Variants in PTBP3 observed in about 807,000 individuals in gnomAD.
PTBP3 encodes the protein polypyrimidine tract-binding protein 3.
In PTBP3, 20 loss-of-function variants were observed where a neutral mutation model predicts 58.7. The ratio of observed to expected loss-of-function variants is 0.34; its 90% CI spans 0.24 to 0.50. The LOEUF (loss-of-function observed/expected upper bound fraction) is 0.50. PTBP3 is among the 20% of genes least tolerant of loss of function. PTBP3 has a pLI of 0.98. For synonymous variants in PTBP3, 185 were observed against 219.8 expected, an observed-to-expected ratio of 0.84 and a Z score of 1.40; for missense variants, 509 against 637.2, an observed-to-expected ratio of 0.80 and a Z score of 2.17.
chr9:112,340,654 G>A, the PTBP3 span, among the ~76,000 whole-genome samples: 3 of 151,884 alleles, frequency 2.0e-5, no homozygotes, highest in South Asian at 2.1e-4. Context: ...AGGCTGAGGC[G>A]GGTGGATCAC....
At chr9:112,319,901 G>A (rs1225295644) in intron 1 of PTBP3, among the ~76,000 whole-genome samples, 3 of 152,166 alleles carry the variant, frequency 2.0e-5, no homozygotes, top group African/African-American at 4.8e-5. Flanking sequence ...AGGACACTGC[G>A]TTAAGCAAAA....
upstream of PTBP3, among the ~76,000 whole-genome samples, chr9:112,333,857 G>GGCGC (rs1054718803): frequency 3.4e-5 from 5 of 148,274 alleles, no homozygotes; most frequent in African/African-American, 4.9e-5. Flanking sequence ...CCCTCGGCCC[G>GGCGC]GCGCGCGCGC....
At chr9:112,314,924 C>T (rs1409085650) in intron 1 of PTBP3, among the ~76,000 whole-genome samples, 11 of 151,686 alleles carry the variant, frequency 7.3e-5, no homozygotes, top group African/African-American at 2.2e-4. Context: ...CTCCGCCTCC[C>T]GGGTTTACAC....
Position 112,304,732 on chromosome 9 carries a change from AT to A in PTBP3, c.-51-6817del, listed in dbSNP as rs1430244148. On this transcript the variant is annotated intron_variant, in intron 1 of 13. Coordinates refer to ENST00000374257, the MANE Select transcript of PTBP3 (RefSeq NM_001163788.4). ...AGGCATGCATCACTTTGCCTGGCTG[AT>A]TTTTTAATTTTTGTAGACAGAAAAA... 2.0e-5 allele frequency among the ~76,000 whole-genome samples: 3 copies of A among 152,196 alleles called. No homozygotes were observed. In the East Asian group the frequency reaches 5.8e-4, roughly 29 times the overall value.
intron 1 of PTBP3, among the ~76,000 whole-genome samples, chr9:112,323,448 T>C (rs772928600): frequency 5.3e-5 from 8 of 152,164 alleles, no homozygotes; most frequent in Non-Finnish European, 1.0e-4. Context: ...AAAAGTGCCA[T>C]GGTATTGGCC....
chr9:112,377,731 T>G, the PTBP3 span, among the ~76,000 whole-genome samples: 1 of 152,144 alleles, frequency 6.6e-6, no homozygotes, highest in South Asian at 2.1e-4. Flanking sequence ...GTGAAATGAG[T>G]GAGACTTACC....
intron 2 of PTBP3, among the ~76,000 whole-genome samples, chr9:112,278,083 T>G (rs1040624535): frequency 1.3e-5 from 2 of 152,164 alleles, no homozygotes; most frequent in Non-Finnish European, 2.9e-5. Flanking sequence ...ACTTTCAAAC[T>G]GTTTTCACTT....
At chr9:112,261,719 A>G (rs1836604208) in intron 5 of PTBP3, among the ~76,000 whole-genome samples, 1 of 152,254 alleles carries the variant, frequency 6.6e-6, no homozygotes, top group South Asian at 2.1e-4. Context: ...CATTCTTAGG[A>G]TATGTATATA....
In PTBP3 at chr9:112,322,022, C is replaced by T. The variant is rs184322436; in HGVS notation, c.-52+11448G>A. Among the ~76,000 whole-genome samples the T allele has an allele frequency of 1.7e-4, 25 of 148,922 alleles. No individual in the cohort carries two copies. In the East Asian group the frequency reaches 4.5e-3, roughly 27 times the overall value. ...TGGCAGCGTGTACCTGTAGTCTCAG[C>T]TACTTGGGAGGCTGAGGCAGGAGAA... On this transcript the variant is annotated intron_variant, in intron 1 of 13. Coordinates refer to ENST00000374257, the MANE Select transcript of PTBP3 (RefSeq NM_001163788.4).
At position 112,239,811 on chromosome 9, in the gene PTBP3, A is replaced by G. The variant is rs544680117; in HGVS notation, c.803-4914T>C. ...GAGAGGAGGAAGAAGAAAAGGAAGG[A>G]AGGAAGGGAGGAAGGGAGGAAGGGA... On this transcript the variant is annotated intron_variant, in intron 7 of 13. Transcript: ENST00000374257. Among the ~76,000 whole-genome samples, 113 of 87,412 alleles carry G rather than the reference A, an allele frequency of 1.3e-3. 2 individuals carry two copies. The highest frequency in any genetic ancestry group is 7.1e-3 in the South Asian group (16 of 2,242). The allele number at this position is 87,412 out of a possible 152,430, so 57.3% of individuals were successfully genotyped here.
In PTBP3 at chr9:112,327,380, G is replaced by A. The variant is rs565074253; in HGVS notation, c.-52+6090C>T. ...TCGAGACCAGCCTGGCCAATATGGT[G>A]AAACCGTTTCTACTAAAAATACAAA... On this transcript the variant is annotated intron_variant, in intron 1 of 13. Coordinates refer to ENST00000374257, the MANE Select transcript of PTBP3 (RefSeq NM_001163788.4). Among the ~76,000 whole-genome samples the A allele has an allele frequency of 2.0e-5, 3 of 152,084 alleles. No homozygotes were observed. In the South Asian group the frequency reaches 6.2e-4, roughly 32 times the overall value.
intron 1 of PTBP3, among the ~76,000 whole-genome samples, chr9:112,317,083 CA>C (rs1164832930): frequency 1.3e-5 from 2 of 151,742 alleles, no homozygotes; most frequent in Non-Finnish European, 2.9e-5. Flanking sequence ...AGTTCAAGAC[CA>C]GCCTGGGTAA....
intron 2 of PTBP3, among the ~76,000 whole-genome samples, chr9:112,292,742 A>G (rs1310179936): frequency 2.6e-5 from 4 of 152,228 alleles, no homozygotes; most frequent in Non-Finnish European, 4.4e-5. Context: ...TTGGAAACAG[A>G]AAGCAGAATG....
Position 112,227,066 on chromosome 9 carries a change from A to G in PTBP3, c.1364+345T>C, listed in dbSNP as rs549274550. Among the ~76,000 whole-genome samples the G allele has an allele frequency of 1.6e-4, 25 of 152,324 alleles. No individual in the cohort carries two copies. In the East Asian group the frequency reaches 4.8e-3, roughly 29 times the overall value. On this transcript the variant is annotated intron_variant, in intron 12 of 13. Coordinates refer to ENST00000374257, the MANE Select transcript of PTBP3 (RefSeq NM_001163788.4). The stretch of plus-strand genomic sequence containing the variant: ...CTTAGATACACAATTTGATTTTGTC[A>G]TATTGGTTAACGTAAGAGTCATTAC...
In PTBP3 at chr9:112,221,342, TCA is replaced by T; in HGVS notation, c.*2507_*2508del. On this transcript the variant is annotated 3_prime_UTR_variant, in exon 14 of 14. Transcript: ENST00000374257. ...CTGAAAAGGATTCAAATGTTCTCTC[TCA>T]GACTTAAAAGGCCATTCCCTACTTC... 2.0e-6 allele frequency: 2 copies of T among 985,786 alleles called. No individual in the cohort carries two copies. The highest frequency in any genetic ancestry group is 1.2e-6 in the Non-Finnish European group (1 of 829,908). The allele number at this position is 985,786 out of a possible 1,614,324, so 61.1% of individuals were successfully genotyped here.
chr9:112,344,479 T>C, the PTBP3 span, among the ~76,000 whole-genome samples: 2 of 152,188 alleles, frequency 1.3e-5, no homozygotes, highest in Non-Finnish European at 1.5e-5. Flanking sequence ...TTTTCTGCCA[T>C]GCTATAAAGG....
intron 2 of PTBP3, among the ~76,000 whole-genome samples, chr9:112,279,096 A>G (rs766865598): frequency 3.3e-5 from 5 of 152,204 alleles, no homozygotes; most frequent in African/African-American, 4.8e-5. Context: ...GGAAAGGGTT[A>G]TATGTAAAGA....
At chr9:112,347,161 T>C in the PTBP3 span, among the ~76,000 whole-genome samples, 1 of 152,220 alleles carries the variant, frequency 6.6e-6, no homozygotes, top group South Asian at 2.1e-4. Flanking sequence ...CTAATTTATC[T>C]ATTTTATTGC....
At chr9:112,264,395 G>A (rs1183585670) in intron 4 of PTBP3, among the ~76,000 whole-genome samples, 1 of 152,122 alleles carries the variant, frequency 6.6e-6, no homozygotes, top group East Asian at 1.9e-4. Flanking sequence ...CTCAAATGCT[G>A]TATCTCAGAA....
Sources: gnomAD v4.1 joint callset for allele counts (sites outside exome capture counted in the v4.1 genomes callset) on GRCh38, gnomAD v4.1.1 for gene constraint, MANE v1.5 for transcripts, NCBI Gene and HGNC (gene_info 2026-07-23, HGNC 2026-07-21) for gene names.